Variants in KIF6 observed in about 807,000 individuals in gnomAD.
The protein encoded by KIF6 is kinesin family member 6, also known as kinesin-like protein KIF6.
Under a neutral mutation model 112.7 loss-of-function variants are expected in KIF6, and 106 were observed. The ratio of observed to expected loss-of-function variants is 0.94; its 90% confidence interval spans 0.80 to 1.11. The LOEUF is 1.11. Among genes scored for constraint, KIF6 ranks in the 50% least tolerant of loss-of-function variants. KIF6 has a pLI of 0.00. For missense variants in KIF6, 929 were observed against 964.0 expected (o/e 0.96, Z 0.48); for synonymous variants, 339 against 339.9 (o/e 1.00, Z 0.03).
intron 13 of KIF6, among the ~76,000 whole-genome samples, chr6:39,444,201 C>G (rs1024056966): frequency 6.6e-6 from 1 of 152,150 alleles, no homozygotes; most frequent in Non-Finnish European, 1.5e-5. Context: ...AAAGCCATAA[C>G]TATACCCTAG....
chr6:39,629,305 T>C (rs1055586445), intron 5 of KIF6, among the ~76,000 whole-genome samples: 16 of 152,032 alleles, frequency 1.1e-4, no homozygotes, highest in Non-Finnish European at 2.9e-5. Context: ...TGAATAAGAG[T>C]TCCTGTTGCT....
intron 10 of KIF6, among the ~76,000 whole-genome samples, chr6:39,575,463 G>GA (rs1476714557): frequency 6.6e-6 from 1 of 151,942 alleles, no homozygotes; most frequent in East Asian, 1.9e-4. Flanking sequence ...AGTAGAGATG[G>GA]GTTTCACCAT....
intron 3 of KIF6, among the ~76,000 whole-genome samples, chr6:39,698,247 A>G (rs897221039): frequency 7.2e-5 from 11 of 152,316 alleles, no homozygotes; most frequent in African/African-American, 2.6e-4. Context: ...ATACATAAAC[A>G]CAGCATAGCA....
intron 13 of KIF6, among the ~76,000 whole-genome samples, chr6:39,433,561 C>T (rs1390676143): frequency 6.6e-6 from 1 of 152,162 alleles, no homozygotes; most frequent in Non-Finnish European, 1.5e-5. Flanking sequence ...CTTGGTTTTC[C>T]TTCTGTCACG....
At chr6:39,668,110 A>G (rs906817143) in intron 3 of KIF6, among the ~76,000 whole-genome samples, 1 of 151,960 alleles carries the variant, frequency 6.6e-6, no homozygotes, top group Non-Finnish European at 1.5e-5. Context: ...TCTCACCAAA[A>G]GCAGATGCCG....
At chr6:39,608,723 T>C (rs1009530118) in intron 6 of KIF6, among the ~76,000 whole-genome samples, 5 of 152,212 alleles carry the variant, frequency 3.3e-5, no homozygotes, top group Non-Finnish European at 7.3e-5. Flanking sequence ...ACACAAAATG[T>C]TGAAGTCATC....
Position 39,421,185 on chromosome 6 carries a change from T to G in KIF6, c.1755-1182A>C, listed in dbSNP as rs182314266. 3.5e-4 allele frequency among the ~76,000 whole-genome samples: 53 copies of G among 152,220 alleles called. No homozygotes were observed. The East Asian group carries it at 8.9e-3, about 25-fold the overall frequency. ...ATGCCATTAGCGTTTGACTAGGGAG[T>G]GGCCTGTCCACGAGTGAGCGGAGAG... On this transcript the variant is annotated intron_variant, in intron 14 of 22. Transcript: ENST00000287152.
intron 12 of KIF6, among the ~76,000 whole-genome samples, chr6:39,543,206 C>T (rs1262077378): frequency 6.6e-6 from 1 of 152,146 alleles, no homozygotes; most frequent in Non-Finnish European, 1.5e-5. Flanking sequence ...AGGAGAAGAT[C>T]CTAGACTAGG....
At chr6:39,369,315 G>A (rs1279844489) in intron 16 of KIF6, among the ~76,000 whole-genome samples, 3 of 152,158 alleles carry the variant, frequency 2.0e-5, no homozygotes, top group Admixed American at 6.5e-5. Flanking sequence ...ATTTAAGGGT[G>A]TGCTGAATGA....
intron 3 of KIF6, among the ~76,000 whole-genome samples, chr6:39,709,490 C>A (rs1324134128): frequency 1.3e-5 from 2 of 152,194 alleles, no homozygotes; most frequent in Admixed American, 6.5e-5. Context: ...CCTCCACCAG[C>A]ACTCACCTCC....
chr6:39,502,476 T>A (rs555592891), intron 13 of KIF6, among the ~76,000 whole-genome samples: 103 of 152,186 alleles, frequency 6.8e-4, no homozygotes, highest in African/African-American at 2.2e-3. Context: ...GATGACAGGA[T>A]CAAATCCACA....
intron 3 of KIF6, among the ~76,000 whole-genome samples, chr6:39,700,920 G>C (rs1788844832): frequency 6.6e-6 from 1 of 152,220 alleles, no homozygotes; most frequent in Admixed American, 6.5e-5. Context: ...AGCTGGTCTT[G>C]AACTCCTGAC....
intron 5 of KIF6, among the ~76,000 whole-genome samples, chr6:39,624,389 C>T (rs544515527): frequency 1.3e-4 from 20 of 152,172 alleles, no homozygotes; most frequent in East Asian, 9.7e-4. Flanking sequence ...CTATAATAGA[C>T]GTGTTTCTAA....
At chr6:39,468,079 A>C (rs1189684197) in intron 13 of KIF6, among the ~76,000 whole-genome samples, 1 of 152,190 alleles carries the variant, frequency 6.6e-6, no homozygotes, top group African/African-American at 2.4e-5. Context: ...CCAAAATGAA[A>C]GATTCACTAT....
intron 16 of KIF6, among the ~76,000 whole-genome samples, chr6:39,367,345 A>G (rs1464544271): frequency 6.6e-6 from 1 of 152,184 alleles, no homozygotes; most frequent in Non-Finnish European, 1.5e-5. Flanking sequence ...AGAGCCTCCC[A>G]TCACCTGACA....
chr6:39,607,621 G>A (rs528758967), intron 6 of KIF6, among the ~76,000 whole-genome samples: 3 of 151,862 alleles, frequency 2.0e-5, no homozygotes, highest in East Asian at 3.9e-4. Context: ...AGGTGGAGTC[G>A]CACTATGTTA....
chr6:39,361,578 A>G, intron 17 of KIF6, among the ~76,000 whole-genome samples: 1 of 151,570 alleles, frequency 6.6e-6, no homozygotes, highest in East Asian at 1.9e-4. Context: ...AAAAAAAAAA[A>G]AAGCGGGGGG....
chr6:39,361,287 G>A (rs1358903098), intron 17 of KIF6, among the ~76,000 whole-genome samples: 1 of 152,070 alleles, frequency 6.6e-6, no homozygotes, highest in East Asian at 1.9e-4. Flanking sequence ...GGCTGGGTGT[G>A]GTGGTTCACA....
At chr6:39,657,689 T>G (rs903161256) in intron 3 of KIF6, among the ~76,000 whole-genome samples, 2 of 152,232 alleles carry the variant, frequency 1.3e-5, no homozygotes, top group Admixed American at 6.5e-5. Context: ...TTGATATAAT[T>G]TTTATTTTCA....
Sources: allele counts gnomAD v4.1 joint callset (sites outside exome capture counted in the v4.1 genomes callset), GRCh38; gene constraint gnomAD v4.1.1; transcripts MANE v1.5; gene names NCBI Gene and HGNC (gene_info 2026-07-23, HGNC 2026-07-21).